SACS: variants seen among roughly 807,000 people sequenced by gnomAD.
The protein encoded by SACS is sacsin molecular chaperone, also known as sacsin.
Under a neutral mutation model 348.0 loss-of-function variants are expected in SACS, and 197 were observed. That is an observed-to-expected ratio of 0.57 (90% CI 0.50 to 0.64). The LOEUF is 0.64. SACS is among the 30% of genes least tolerant of loss of function. SACS has a pLI of 0.00. For missense variants in SACS, 4,999 were observed against 5,360.8 expected (o/e 0.93, Z 2.11); for synonymous variants, 1,985 against 1,910.6 (o/e 1.04, Z -1.02).
intron 9 of SACS, among the ~76,000 whole-genome samples, chr13:23,351,395 C>G (rs530786143): frequency 1.3e-5 from 2 of 152,006 alleles, no homozygotes. Context: ...GGGAAGGACC[C>G]GGTGGGAGAT....
At chr13:23,413,339 A>G (rs961239440) in intron 1 of SACS, among the ~76,000 whole-genome samples, 3 of 152,202 alleles carry the variant, frequency 2.0e-5, no homozygotes, top group Non-Finnish European at 1.5e-5. Context: ...CTGCCCATTC[A>G]TTGTTCTAAA....
intron 2 of SACS, among the ~76,000 whole-genome samples, chr13:23,408,779 C>T (rs60829824): frequency 0.29 from 43,439 of 151,746 alleles, 6,835 homozygotes; most frequent in East Asian, 0.44. Flanking sequence ...TCCTGGCTAA[C>T]ACGGTGAAAC....
intron 2 of SACS, among the ~76,000 whole-genome samples, chr13:23,408,728 G>A (rs1873340137): frequency 6.6e-6 from 1 of 152,056 alleles, no homozygotes; most frequent in Non-Finnish European, 1.5e-5. Context: ...CACTTCGGGA[G>A]GCCGAGGCGG....
At chr13:23,390,489 G>A (rs116704130) in intron 2 of SACS, among the ~76,000 whole-genome samples, 1,909 of 152,090 alleles carry the variant, frequency 0.013, 51 homozygotes, top group African/African-American at 0.044. Flanking sequence ...GCAAAACCTC[G>A]TCTCTACAAA....
At position 23,340,260 on chromosome 13, in the gene SACS, G is replaced by A. The variant is rs544969570; in HGVS notation, c.3616C>T (p.His1206Tyr). ...CCTAATGCTTTTTCCAGGTTTACAT[G>A]GATACTTTCAACAAGAGGAAGTGAG... is the stretch of plus-strand genomic sequence containing the variant. ...GSSLPLVESI[H>Y]VNLEKALGIF... The change falls in exon 10 of 10, where the codon CAT becomes TAT. Residue 1206 changes from histidine to tyrosine, a missense_variant. Around this residue, in one of 6 missense-constraint regions of SACS, gnomAD observed 3,156 missense variants for 3,380.1 expected, o/e 0.93. Coordinates refer to ENST00000382292, the MANE Select transcript of SACS (RefSeq NM_014363.6). 1.9e-6 allele frequency: 3 copies of A among 1,612,294 alleles called. No individual in the cohort carries two copies. The South Asian group carries it at 3.3e-5, about 18-fold the overall frequency.
rs1555252531 is a variant in SACS at position 23,339,975 on chromosome 13, G to A, written c.3901C>T (p.Gln1301Ter). ...TTAGGTACATTATGCAAATAAGGCT[G>A]AAGGTCAAGATCATGGATTGGTTTA... ...VIKPIHDLDL[Q>*]PYLHNVPKTM... is the part of the protein sequence containing the mutation. The change falls in exon 10 of 10, where the codon CAG becomes TAG. Residue 1301 changes from glutamine (Q) to a stop codon, truncating the protein, a stop_gained. Coordinates refer to ENST00000382292, the MANE Select transcript of SACS (RefSeq NM_014363.6). LOFTEE classifies it high-confidence loss of function. 1 of 1,613,602 alleles carries A rather than the reference G, an allele frequency of 6.2e-7. No homozygotes were observed. The highest frequency in any genetic ancestry group is 8.5e-7 in the Non-Finnish European group (1 of 1,179,852).
intron 2 of SACS, among the ~76,000 whole-genome samples, chr13:23,402,464 C>A (rs1345445073): frequency 6.6e-6 from 1 of 152,190 alleles, no homozygotes; most frequent in East Asian, 1.9e-4. Flanking sequence ...TGCCTTCCCA[C>A]CTAATCCCTC....
In SACS at chr13:23,339,169, A is replaced by G. The variant is rs1437241759; in HGVS notation, c.4707T>C (p.Ile1569=). ...TGAATTCCCGACTCATAATGATGGG[A>G]ATGTCAGTGATATGGTACACAGAAT... is the stretch of plus-strand genomic sequence containing the variant. ...GFNSVYHITD[I]PIIMSREFMI... The change falls in exon 10 of 10, where the codon ATT becomes ATC. Residue 1569 remains isoleucine, a synonymous_variant. Transcript: ENST00000382292. 3.1e-6 allele frequency: 5 copies of G among 1,612,984 alleles called. No homozygotes were observed. Among genetic ancestry groups the G allele is most frequent in the Non-Finnish European group, 3.4e-6 (4 of 1,179,380 alleles).
chr13:23,332,544 C>A lies in SACS; in HGVS notation c.11332G>T (p.Glu3778Ter). 1.2e-6 allele frequency: 2 copies of A among 1,613,954 alleles called. No individual in the cohort carries two copies. The highest frequency in any genetic ancestry group is 1.7e-6 in the Non-Finnish European group (2 of 1,179,898). ...TCCCTTTTTTCTGCACTGAGGAATT[C>A]ATATATGCTCCTTAAGACTTTTGCT... ...TRAKVLRSIYEFLSAEKREFR... is the reference protein window; with the variant it reads ...TRAKVLRSIY The change falls in exon 10 of 10, where the codon GAA becomes TAA. Residue 3778 changes from glutamate to a stop codon, truncating the protein, a stop_gained. Transcript: ENST00000382292. LOFTEE classifies it high-confidence loss of function.
At chr13:23,394,049 G>T (rs191711403) in intron 2 of SACS, among the ~76,000 whole-genome samples, 2 of 152,140 alleles carry the variant, frequency 1.3e-5, no homozygotes, top group Admixed American at 6.6e-5. Flanking sequence ...CATGAGCCAC[G>T]GTGCCTGGCC....
In SACS at chr13:23,335,723, G is replaced by C; in HGVS notation, c.8153C>G (p.Ala2718Gly). The change falls in exon 10 of 10, where the codon GCA becomes GGA. Residue 2718 changes from alanine (A) to glycine (G), a missense_variant. Around this residue, in one of 6 missense-constraint regions of SACS, gnomAD observed 3,156 missense variants for 3,380.1 expected, o/e 0.93. Coordinates refer to ENST00000382292, the MANE Select transcript of SACS (RefSeq NM_014363.6). This position sits in a 1 kb window ranked among gnomAD's most constrained non-coding sequence, Gnocchi z 4.7. ...AAGATTCTGGACCATTCTGTCTGAT[G>C]CTGGAACAGACGAAATTTCCGAAAC... ...AKVSEISSVPASDRMVQNLLD... is the reference protein window; with the variant it reads ...AKVSEISSVPGSDRMVQNLLD... 6.2e-7 allele frequency: 1 copy of C among 1,614,028 alleles called. No individual in the cohort carries two copies. The highest frequency in any genetic ancestry group is 8.5e-7 in the Non-Finnish European group (1 of 1,179,904).
chr13:23,396,124 G>A (rs868058795), intron 2 of SACS, among the ~76,000 whole-genome samples: 5 of 152,026 alleles, frequency 3.3e-5, no homozygotes, highest in Admixed American at 6.6e-5. Context: ...AGGAGTTCGC[G>A]ACCAGCCTGG....
chr13:23,332,208 T>A lies in SACS; in HGVS notation c.11668A>T (p.Asn3890Tyr). ...TCACTCCTCACCTTGACTGAATCAT[T>A]CTGTAGACTCCTGAACAGACCAGAA... is the stretch of plus-strand genomic sequence containing the variant. Reference protein sequence around the residue: ...VVSGLFRSLQNDSVKVRSDLE... With the variant: ...VVSGLFRSLQYDSVKVRSDLE... Residue 3890 changes from asparagine (N) to tyrosine (Y), a missense_variant, in exon 10 of 10, where the codon AAT becomes TAT. Asn to Tyr is a moderately radical substitution (Grantham distance 143). This residue lies in a region of SACS where 831 missense variants were observed against 941.8 expected (regional missense o/e 0.88). Coordinates refer to ENST00000382292, the MANE Select transcript of SACS (RefSeq NM_014363.6). The A allele has an allele frequency of 6.2e-7, 1 of 1,614,008 alleles. No homozygotes were observed. The highest frequency in any genetic ancestry group is 8.5e-7 in the Non-Finnish European group (1 of 1,179,948).
chr13:23,333,770 A>G lies in SACS; in HGVS notation c.10106T>C (p.Val3369Ala), dbSNP rs17078605. The change falls in exon 10 of 10, where the codon GTC becomes GCC. Residue 3369 changes from valine to alanine, a missense_variant. Transcript: ENST00000382292. ...TSILKALHYM[V>A]QTSTFRAEKL... is the part of the protein sequence containing the mutation. ...TTCTGCTCTAAATGTTGAAGTTTGG[A>G]CCATATAATGTAGAGCCTTCAAGAT... The G allele has an allele frequency of 0.26, 423,036 of 1,613,526 alleles. 58,024 individuals are homozygous for G. The highest frequency in any genetic ancestry group is 0.36 in the Admixed American group (21,858 of 59,958).
chr13:23,346,812 T>G, intron 9 of SACS: 1 of 983,788 alleles, frequency 1.0e-6, no homozygotes, highest in African/African-American at 1.7e-5. Context: ...TTATCCTACC[T>G]GAATATCCCC....
intron 1 of SACS, among the ~76,000 whole-genome samples, chr13:23,426,605 A>G (rs562492613): frequency 2.8e-4 from 42 of 147,596 alleles, no homozygotes; most frequent in Non-Finnish European, 4.9e-4. Context: ...ATGCCATTGC[A>G]CTCCAGCCTG....
At chr13:23,378,269 G>T (rs1874715224) in intron 2 of SACS, among the ~76,000 whole-genome samples, 1 of 152,098 alleles carries the variant, frequency 6.6e-6, no homozygotes, top group African/African-American at 2.4e-5. Context: ...ACCAGTGAGG[G>T]CTGGAAATAC....
intron 2 of SACS, among the ~76,000 whole-genome samples, chr13:23,400,129 A>C (rs528511867): frequency 6.6e-5 from 10 of 152,220 alleles, no homozygotes; most frequent in Non-Finnish European, 1.3e-4. Flanking sequence ...AAAACAAACA[A>C]GGGAAGGGGA....
intron 2 of SACS, among the ~76,000 whole-genome samples, chr13:23,402,887 TTTA>T (rs1873039531): frequency 6.6e-6 from 1 of 152,068 alleles, no homozygotes; most frequent in Admixed American, 6.6e-5. Context: ...CTTTCAAAAG[TTTA>T]ATCAGGGCCG....
Sources: allele counts gnomAD v4.1 joint callset (sites outside exome capture counted in the v4.1 genomes callset), GRCh38; gene constraint gnomAD v4.1.1; regional missense constraint gnomAD v4.1.1; non-coding constraint Gnocchi (gnomAD v3.1); transcripts MANE v1.5; gene names NCBI Gene and HGNC (gene_info 2026-07-23, HGNC 2026-07-21).